FER1L5: variants seen among roughly 807,000 people sequenced by gnomAD.
FER1L5 encodes fer-1-like protein 5.
A neutral mutation model predicts 279.9 loss-of-function variants in FER1L5; 187 were observed. The observed-to-expected ratio is 0.67, with a 90% CI of 0.59 to 0.75. The LOEUF is 0.75. FER1L5 is among the 30% of genes least tolerant of loss of function. The probability of loss-of-function intolerance (pLI) is 0.00; values close to 1 mark genes in which losing one functional copy is unlikely to be tolerated. For synonymous variants in FER1L5, 921 were observed against 989.7 expected (o/e 0.93, Z 1.30); for missense variants, 2,091 against 2,594.4 (o/e 0.81, Z 4.21).
chr2:96,648,081 T>C (rs1442803633), intron 4 of FER1L5, among the ~76,000 whole-genome samples, 195 bp downstream of exon 4: 2 of 152,188 alleles, frequency 1.3e-5, no homozygotes, highest in African/African-American at 4.8e-5. Context: ...CGCCTTGCAT[T>C]GGGAGTCAAC....
In FER1L5 at chr2:96,642,840, C is replaced by T. The variant is rs1410251843; in HGVS notation, c.4C>T (p.Leu2=). The change falls in exon 1 of 53, where the codon CTG becomes TTG. Residue 2 remains leucine, a synonymous_variant. Transcript: ENST00000624922. M[L]RLVVQSAKID... ...GGGAAGAAAGTAGGTCTCCGAGATG[C>T]TGCGGCTTGTGGTGCAGTCGGCCAA... 6.4e-7 allele frequency: 1 copy of T among 1,550,554 alleles called. No individual in the cohort carries two copies. Among genetic ancestry groups the T allele is most frequent in the African/African-American group, 1.4e-5 (1 of 72,978 alleles).
At chr2:96,680,202 T>G (rs1396861580) in intron 19 of FER1L5, among the ~76,000 whole-genome samples, 1 of 152,042 alleles carries the variant, frequency 6.6e-6, no homozygotes, top group African/African-American at 2.4e-5. Flanking sequence ...TTCCTTCTGC[T>G]TGTTGCTTTT....
Position 96,651,928 on chromosome 2 carries a change from G to A in FER1L5, c.541G>A (p.Gly181Ser). 6.4e-7 allele frequency: 1 copy of A among 1,551,996 alleles called. No individual in the cohort carries two copies. The highest frequency in any genetic ancestry group is 8.7e-7 in the Non-Finnish European group (1 of 1,147,060). The change falls in exon 7 of 53, where the codon GGC becomes AGC. Residue 181 changes from glycine (G) to serine (S), a missense_variant. By Grantham distance (56) the Gly-to-Ser change is moderately conservative. Coordinates refer to ENST00000624922, the MANE Select transcript of FER1L5 (RefSeq NM_001293083.2). Reference protein sequence around the residue: ...VKVFEARQLMGNNIKPVVKVS... With the variant: ...VKVFEARQLMSNNIKPVVKVS... ...GGTGTTTGAAGCCCGACAGCTCATG[G>A]GCAACAACATCAAACCAGTGGTGAA...
At chr2:96,681,739 C>T (rs1426051197) in intron 19 of FER1L5, among the ~76,000 whole-genome samples, 2 of 151,620 alleles carry the variant, frequency 1.3e-5, no homozygotes. Context: ...CATAATTTAT[C>T]CTTTCTACTA....
Position 96,702,669 on chromosome 2 carries a change from C to A in FER1L5, c.5325C>A (p.Ala1775=), listed in dbSNP as rs763522932. 5.6e-6 allele frequency: 9 copies of A among 1,610,798 alleles called. No individual in the cohort carries two copies. Among genetic ancestry groups the A allele is most frequent in the South Asian group, 1.1e-5 (1 of 90,376 alleles). ...DIHYHSLTGE[A]DFNWRFIFTM... is the part of the protein sequence containing the mutation. Reference sequence around the variant, plus strand: ...ACTACCACTCGCTGACTGGGGAGGCCGACTTCAACTGGCGGTTCATCTTTA... The same window carrying A: ...ACTACCACTCGCTGACTGGGGAGGCAGACTTCAACTGGCGGTTCATCTTTA... Residue 1775 remains alanine (A), a synonymous_variant, in exon 48 of 53, where the codon GCC becomes GCA. Coordinates refer to ENST00000624922, the MANE Select transcript of FER1L5 (RefSeq NM_001293083.2). This position sits in a 1 kb window ranked among gnomAD's most constrained non-coding sequence, Gnocchi z 4.0.
chr2:96,690,588 G>C lies in FER1L5; in HGVS notation c.2742G>C (p.Lys914Asn). 1 of 1,551,486 alleles carries C rather than the reference G, an allele frequency of 6.4e-7. No homozygotes were observed. The highest frequency in any genetic ancestry group is 8.7e-7 in the Non-Finnish European group (1 of 1,146,806). ...VVELNHAVDS[K>N]GWEYGVGIPP... ...AGCTGAACCACGCAGTGGACAGTAA[G>C]GGTCAGTCGTTTGGTCAGGGTTGGG... Residue 914 changes from lysine to asparagine, a missense_variant and splice_region_variant, in exon 27 of 53, where the codon AAG (lysine) becomes AAC (asparagine). Coordinates refer to ENST00000624922, the MANE Select transcript of FER1L5 (RefSeq NM_001293083.2).
chr2:96,667,578 C>G (rs983536302), intron 14 of FER1L5, among the ~76,000 whole-genome samples: 2 of 152,090 alleles, frequency 1.3e-5, no homozygotes, highest in African/African-American at 2.4e-5. Flanking sequence ...AACTCCTGAC[C>G]TCAGGTGATC....
intron 7 of FER1L5, 164 bp downstream of exon 7, chr2:96,652,184 A>G: frequency 1.0e-6 from 1 of 992,476 alleles, no homozygotes; most frequent in South Asian, 1.6e-5. Context: ...ACAGAACAGT[A>G]TAACTCAGAG....
rs2077487039 is a variant in FER1L5 at position 96,698,954 on chromosome 2, G to T, written c.4519-91G>T. ...TCCCCATAGGCTCCGTGTGGTGCGA[G>T]GGGCTTGTTTCCACCCTCCTCCCAC... is the stretch of plus-strand genomic sequence containing the variant. On this transcript the variant is annotated intron_variant, in intron 41 of 52. Coordinates refer to ENST00000624922, the MANE Select transcript of FER1L5 (RefSeq NM_001293083.2). This position sits in a 1 kb window ranked among gnomAD's most constrained non-coding sequence, Gnocchi z 5.5. 1.3e-6 allele frequency: 2 copies of T among 1,532,664 alleles called. No homozygotes were observed. The highest frequency in any genetic ancestry group is 2.0e-5 in the Admixed American group (1 of 50,856). 94.9% of individuals were successfully genotyped at this position (1,532,664 alleles called of 1,614,324 possible).
chr2:96,673,151 G>A lies in FER1L5; in HGVS notation c.1566G>A (p.Glu522=), dbSNP rs2076389896. The change falls in exon 19 of 53, where the codon GAG becomes GAA. Residue 522 remains glutamate, a synonymous_variant. Transcript: ENST00000624922. ...GTACCATGATGCCCAACTTTAAAGA[G>A]CTGATCCATTTCGAGGTCAGCATCG... The part of the protein sequence containing the change: ...LSCTMMPNFK[E]LIHFEVSIGH... 2 of 1,551,414 alleles carry A rather than the reference G, an allele frequency of 1.3e-6. No individual in the cohort carries two copies. The highest frequency in any genetic ancestry group is 1.7e-6 in the Non-Finnish European group (2 of 1,146,966).
intron 19 of FER1L5, among the ~76,000 whole-genome samples, chr2:96,679,628 A>G (rs190635062): frequency 2.6e-5 from 4 of 152,252 alleles, no homozygotes; most frequent in East Asian, 1.9e-4. Context: ...TGTTAAAAAG[A>G]CCATCCTTTC....
chr2:96,689,815 C>A lies in FER1L5; in HGVS notation c.2640+57C>A. The stretch of plus-strand genomic sequence containing the variant: ...GGGCAAGCAAGGCCACCAGGCGGGG[C>A]GCCTTGGAAGCTGGGGGTCCCAGTG... On this transcript the variant is annotated intron_variant, in intron 26 of 52. Transcript: ENST00000624922. This position sits in a 1 kb window ranked among gnomAD's most constrained non-coding sequence, Gnocchi z 4.6. The A allele has an allele frequency of 7.0e-7, 1 of 1,419,896 alleles. No individual in the cohort carries two copies. Among genetic ancestry groups the A allele is most frequent in the Non-Finnish European group, 9.5e-7 (1 of 1,056,298 alleles). The allele number at this position is 1,419,896 out of a possible 1,614,324, so 88.0% of individuals were successfully genotyped here.
intron 7 of FER1L5, chr2:96,652,291 G>C (rs543503192): frequency 4.3e-6 from 2 of 465,662 alleles, no homozygotes; most frequent in East Asian, 7.6e-5. Flanking sequence ...AGGTCTGGGA[G>C]TATTGCTATT....
At chr2:96,654,521 T>C (rs2106465191) in intron 9 of FER1L5, 25 bp downstream of exon 9, 1 of 398,048 alleles carries the variant, frequency 2.5e-6, no homozygotes, top group African/African-American at 2.1e-5. Context: ...TGGGAGGAGG[T>C]TCAGTGAAAC....
In FER1L5 at chr2:96,661,445, G is replaced by C; in HGVS notation, c.894+5G>C. 1 of 1,551,058 alleles carries C rather than the reference G, an allele frequency of 6.4e-7. No homozygotes were observed. Among genetic ancestry groups the C allele is most frequent in the Non-Finnish European group, 8.7e-7 (1 of 1,146,632 alleles). On this transcript the variant is annotated splice_donor_5th_base_variant and intron_variant, in intron 11 of 52. Transcript: ENST00000624922. ...GGTGTGGGAGACCAGGCCCTGGTGA[G>C]CTGCCCCTAACCCCGGAAACTTTCC...
chr2:96,679,837 G>A (rs2076652352), intron 19 of FER1L5, among the ~76,000 whole-genome samples: 1 of 151,874 alleles, frequency 6.6e-6, no homozygotes, highest in Non-Finnish European at 1.5e-5. Flanking sequence ...TTATTTCCAT[G>A]CCCCTCACTG....
chr2:96,642,828 G>A lies in FER1L5; in HGVS notation c.-9G>A. The A allele has an allele frequency of 6.5e-7, 1 of 1,550,290 alleles. No individual in the cohort carries two copies. Among genetic ancestry groups the A allele is most frequent in the Admixed American group, 2.0e-5 (1 of 50,814 alleles). On this transcript the variant is annotated 5_prime_UTR_variant, in exon 1 of 53. Transcript: ENST00000624922. ...CGTAGGGAAGGAGGGAAGAAAGTAG[G>A]TCTCCGAGATGCTGCGGCTTGTGGT...
At chr2:96,658,611 G>A (rs2075696029) in intron 9 of FER1L5, among the ~76,000 whole-genome samples, 1 of 152,084 alleles carries the variant, frequency 6.6e-6, no homozygotes, top group Admixed American at 6.5e-5. Context: ...ATTCCAAACA[G>A]GTTCTGCCAC....
chr2:96,684,288 C>G, intron 19 of FER1L5, 39 bp from the exon 20 acceptor site: 1 of 1,541,808 alleles, frequency 6.5e-7, no homozygotes, highest in Non-Finnish European at 8.8e-7. Context: ...CCCAGAATCC[C>G]CCAGACACCC....
Sources: allele counts gnomAD v4.1 joint callset (sites outside exome capture counted in the v4.1 genomes callset), GRCh38; gene constraint gnomAD v4.1.1; non-coding constraint Gnocchi (gnomAD v3.1); transcripts MANE v1.5; gene names NCBI Gene and HGNC (gene_info 2026-07-23, HGNC 2026-07-21).